The following KCNT2 variants were observed in gnomAD, a reference collection of about 807,000 sequenced individuals.
The protein encoded by KCNT2 is potassium channel subfamily T member 2.
In KCNT2, 67 loss-of-function variants were observed where a neutral mutation model predicts 153.8. That is an observed-to-expected ratio of 0.44 (90% CI 0.36 to 0.53). The LOEUF is 0.53. Among genes scored for constraint, KCNT2 ranks in the 20% least tolerant of loss-of-function variants. The pLI is 0.00. For missense variants in KCNT2, 975 were observed against 1,354.8 expected (o/e 0.72, Z 4.40); for synonymous variants, 500 against 458.8 (o/e 1.09, Z -1.15).
chr1:196,350,301 G>C (rs1245694143), intron 14 of KCNT2, among the ~76,000 whole-genome samples: 3 of 152,100 alleles, frequency 2.0e-5, no homozygotes, highest in African/African-American at 7.2e-5. Context: ...CACAATGGTT[G>C]AACTAGTTTA....
intron 12 of KCNT2, among the ~76,000 whole-genome samples, chr1:196,399,097 A>ATGTGTGTG (rs150605752): frequency 0.018 from 2,744 of 148,904 alleles, 27 homozygotes; most frequent in Middle Eastern, 0.044. Context: ...ACCTGTGTGT[A>ATGTGTGTG]TGTGTGTGTG....
intron 1 of KCNT2, among the ~76,000 whole-genome samples, chr1:196,580,039 A>G (rs959751742): frequency 2.0e-5 from 3 of 152,148 alleles, no homozygotes; most frequent in Admixed American, 1.3e-4. Context: ...GAATAAAAAG[A>G]TTTTCAGACA....
chr1:196,487,534 T>C (rs1679532252), intron 3 of KCNT2, among the ~76,000 whole-genome samples: 1 of 151,554 alleles, frequency 6.6e-6, no homozygotes, highest in South Asian at 2.1e-4. Context: ...TAGACTCCAG[T>C]AAACAAAAAA....
intron 5 of KCNT2, among the ~76,000 whole-genome samples, chr1:196,471,788 T>A (rs1047183639): frequency 1.3e-5 from 2 of 152,216 alleles, no homozygotes; most frequent in Non-Finnish European, 2.9e-5. Context: ...TATTTAATTA[T>A]CTGTCTAGGT....
intron 1 of KCNT2, among the ~76,000 whole-genome samples, chr1:196,559,762 T>A (rs1005023589): frequency 5.9e-5 from 9 of 151,812 alleles, no homozygotes; most frequent in African/African-American, 1.7e-4. Context: ...TTCGATTGCA[T>A]CTTTTCTTGA....
intron 19 of KCNT2, among the ~76,000 whole-genome samples, chr1:196,323,607 C>T (rs1422099738): frequency 6.6e-6 from 1 of 151,794 alleles, no homozygotes; most frequent in East Asian, 1.9e-4. Context: ...TATTTGAAAA[C>T]ATTGTGAACA....
rs144231316 is a variant in KCNT2, at chr1:196,261,066, G to A, written c.2911-2572C>T. Among the ~76,000 whole-genome samples, 7 of 151,696 alleles carry A rather than the reference G, an allele frequency of 4.6e-5. No individual in the cohort carries two copies. In the East Asian group the frequency reaches 7.7e-4, roughly 17 times the overall value. On this transcript the variant is annotated intron_variant, in intron 25 of 27. Coordinates refer to ENST00000294725, the MANE Select transcript of KCNT2 (RefSeq NM_198503.5). ...GTGTGTTTGTGTGTTTTAATAGGAGGTCCATTTATAAATATACTTTCCTGA... is the reference window on the plus strand; with the variant it reads ...GTGTGTTTGTGTGTTTTAATAGGAGATCCATTTATAAATATACTTTCCTGA...
intron 1 of KCNT2, among the ~76,000 whole-genome samples, chr1:196,500,618 C>A: frequency 6.6e-6 from 1 of 152,152 alleles, no homozygotes; most frequent in East Asian, 1.9e-4. Flanking sequence ...AGATTCCTAT[C>A]CATTTCCAAA....
At chr1:196,393,495 G>A (rs1670658036) in intron 13 of KCNT2, among the ~76,000 whole-genome samples, 1 of 151,548 alleles carries the variant, frequency 6.6e-6, no homozygotes, top group Admixed American at 6.6e-5. Flanking sequence ...TGATTAACTG[G>A]AGAGCGCAGT....
intron 14 of KCNT2, among the ~76,000 whole-genome samples, chr1:196,365,866 T>C (rs574601026): frequency 1.3e-5 from 2 of 152,308 alleles, no homozygotes; most frequent in Non-Finnish European, 2.9e-5. Flanking sequence ...TTCTGACTGA[T>C]ATAGATTAAC....
chr1:196,515,192 C>T (rs1426904964), intron 1 of KCNT2, among the ~76,000 whole-genome samples: 1 of 152,152 alleles, frequency 6.6e-6, no homozygotes, highest in Non-Finnish European at 1.5e-5. Flanking sequence ...ACTTCACCAG[C>T]AGCCATGGTT....
intron 14 of KCNT2, among the ~76,000 whole-genome samples, chr1:196,348,416 T>A (rs1392579535): frequency 1.3e-5 from 2 of 152,072 alleles, no homozygotes; most frequent in African/African-American, 4.8e-5. Context: ...TAAATGAACA[T>A]TTAGGAGAAA....
rs181271687 is a variant in KCNT2, at chr1:196,590,920, G to A, written c.95+17295C>T. ...GTGGGTGGATCACTTGAGGCCAGGA[G>A]TTCAAGACCTGCCTGGGCAACATGG... On this transcript the variant is annotated intron_variant, in intron 1 of 27. Transcript: ENST00000294725. 2.6e-3 allele frequency among the ~76,000 whole-genome samples: 390 copies of A among 152,184 alleles called. 1 individual carries two copies. The highest frequency in any genetic ancestry group is 4.4e-3 in the Non-Finnish European group (302 of 67,982).
intron 8 of KCNT2, among the ~76,000 whole-genome samples, chr1:196,430,459 T>C (rs1674055758): frequency 6.6e-6 from 1 of 151,948 alleles, no homozygotes; most frequent in Non-Finnish European, 1.5e-5. Context: ...ATGTGTGCTT[T>C]CTCTCTCTTT....
chr1:196,324,575 G>A (rs544929181), intron 19 of KCNT2, among the ~76,000 whole-genome samples: 1 of 151,976 alleles, frequency 6.6e-6, no homozygotes, highest in Non-Finnish European at 1.5e-5. Context: ...TATGTGACTT[G>A]TGCAACTAAA....
chr1:196,298,739 T>C (rs924543065), intron 22 of KCNT2, among the ~76,000 whole-genome samples: 28 of 149,934 alleles, frequency 1.9e-4, no homozygotes, highest in South Asian at 2.2e-4. Context: ...AGCTTCCTTT[T>C]TCTGCTGCCC....
chr1:196,399,004 A>C (rs1252693791), intron 12 of KCNT2, among the ~76,000 whole-genome samples: 2 of 151,646 alleles, frequency 1.3e-5, no homozygotes. Context: ...GGAATTTCCA[A>C]GGAGAAATCA....
intron 13 of KCNT2, among the ~76,000 whole-genome samples, chr1:196,387,929 C>CTTTTTTTTTTT (rs1171819729): frequency 7.7e-6 from 1 of 130,664 alleles, no homozygotes. Flanking sequence ...GCCAATTTTT[C>CTTTTTTTTTTT]TTTTTTTTTT....
intron 1 of KCNT2, among the ~76,000 whole-genome samples, chr1:196,553,838 T>A (rs896212553): frequency 2.7e-5 from 4 of 150,450 alleles, no homozygotes; most frequent in Non-Finnish European, 6.0e-5. Context: ...TTATGAAAGG[T>A]GTAAAAACAC....
Sources: allele counts gnomAD v4.1 joint callset (sites outside exome capture counted in the v4.1 genomes callset), GRCh38; gene constraint gnomAD v4.1.1; transcripts MANE v1.5; gene names NCBI Gene and HGNC (gene_info 2026-07-23, HGNC 2026-07-21).